The following TPO variants were observed in gnomAD, a reference collection of about 807,000 sequenced individuals.
The protein encoded by TPO is thyroid peroxidase.
In TPO, 78 loss-of-function variants were observed where a neutral mutation model predicts 96.9. The ratio of observed to expected loss-of-function variants is 0.81; its 90% CI spans 0.67 to 0.97. The LOEUF (loss-of-function observed/expected upper bound fraction) is 0.97, where lower values mean the gene tolerates loss of function less well. TPO is among the 50% of genes least tolerant of loss of function. TPO has a pLI of 0.00. For missense variants in TPO, 1,252 were observed against 1,274.8 expected (o/e 0.98, Z 0.27); for synonymous variants, 547 against 538.0 (o/e 1.02, Z -0.23).
At position 1,437,356 on chromosome 2, in the gene TPO, G is replaced by A. The variant is rs564862986; in HGVS notation, c.482+972G>A. ...GATGGCTGCAGGCTTGATGTTCACC[G>A]ATGCAGGCAGCAAAGGTGCTTAGCA... On this transcript the variant is annotated intron_variant, in intron 5 of 16. Coordinates refer to ENST00000329066, the MANE Select transcript of TPO (RefSeq NM_001206744.2). Among the ~76,000 whole-genome samples the A allele has an allele frequency of 2.0e-5, 3 of 152,282 alleles. No homozygotes were observed. In the South Asian group the frequency reaches 6.2e-4, roughly 32 times the overall value.
At chr2:1,531,412 C>T (rs1321974164) in intron 15 of TPO, among the ~76,000 whole-genome samples, 1 of 55,530 alleles carries the variant, frequency 1.8e-5, no homozygotes, top group African/African-American at 2.5e-4. Context: ...CTGTGTTCAA[C>T]CTCCCCAAAT....
intron 2 of TPO, among the ~76,000 whole-genome samples, chr2:1,422,205 G>A (rs1028778871): frequency 7.0e-6 from 1 of 143,100 alleles, no homozygotes; most frequent in Non-Finnish European, 1.5e-5. Context: ...GCAGGGCAGA[G>A]TGAGCAGGAA....
At chr2:1,418,144 G>A (rs1240081259) in intron 2 of TPO, among the ~76,000 whole-genome samples, 1 of 152,148 alleles carries the variant, frequency 6.6e-6, no homozygotes, top group Non-Finnish European at 1.5e-5. Context: ...AAAATTAGCT[G>A]GGCGTGGTGG....
chr2:1,399,551 C>G (rs551266886), intron 1 of TPO, among the ~76,000 whole-genome samples: 1 of 152,158 alleles, frequency 6.6e-6, no homozygotes, highest in Non-Finnish European at 1.5e-5. Context: ...GATTTAAAAC[C>G]GATGAGTTGT....
intron 5 of TPO, among the ~76,000 whole-genome samples, chr2:1,443,510 T>C (rs1426919004): frequency 6.6e-6 from 1 of 151,202 alleles, no homozygotes; most frequent in Non-Finnish European, 1.5e-5. Context: ...GGCCGGGGCC[T>C]TCTTGTTTGT....
At chr2:1,453,967 C>A in intron 6 of TPO, 144 bp downstream of exon 6, 2 of 1,331,326 alleles carry the variant, frequency 1.5e-6, no homozygotes, top group Non-Finnish European at 2.1e-6. Context: ...TTTGATGTAG[C>A]AATCACTGTT....
chr2:1,452,736 AAT>A (rs1281498675), intron 5 of TPO, among the ~76,000 whole-genome samples: 1 of 152,216 alleles, frequency 6.6e-6, no homozygotes, highest in Non-Finnish European at 1.5e-5. Context: ...TTCTAAACAA[AAT>A]ATTGGAAAAT....
At chr2:1,475,750 C>T (rs939353723) in intron 7 of TPO, among the ~76,000 whole-genome samples, 1 of 152,248 alleles carries the variant, frequency 6.6e-6, no homozygotes, top group Admixed American at 6.5e-5. Flanking sequence ...CCGCGCCCGG[C>T]CGGAAGCGCT....
intron 1 of TPO, among the ~76,000 whole-genome samples, chr2:1,397,855 G>C (rs1662106867): frequency 2.6e-5 from 4 of 152,122 alleles, no homozygotes; most frequent in Admixed American, 2.6e-4. Context: ...TCAGCCCCCA[G>C]CAGAGCATTT....
intron 15 of TPO, among the ~76,000 whole-genome samples, chr2:1,536,068 T>C (rs1248713763): frequency 5.5e-3 from 47 of 8,586 alleles, no homozygotes; most frequent in Admixed American, 8.5e-3. Flanking sequence ...TGTGCAACCT[T>C]CCCAAATCCC....
chr2:1,381,194 G>A (rs1245675810), intron 1 of TPO, among the ~76,000 whole-genome samples: 3 of 152,118 alleles, frequency 2.0e-5, no homozygotes, highest in Non-Finnish European at 2.9e-5. Flanking sequence ...CTTCTGCACA[G>A]CAAAAGAAAC....
chr2:1,526,530 G>A (rs1222191491), intron 15 of TPO, among the ~76,000 whole-genome samples: 3 of 126,466 alleles, frequency 2.4e-5, no homozygotes. Flanking sequence ...CCCAGTGTTC[G>A]CAACCTCCTC....
At chr2:1,538,608 G>A (rs1292696523) in intron 15 of TPO, among the ~76,000 whole-genome samples, 4 of 152,126 alleles carry the variant, frequency 2.6e-5, no homozygotes, top group Non-Finnish European at 5.9e-5. Context: ...CATAAAATGG[G>A]GAAAGTCTTT....
rs1366711249 is a variant in TPO, at chr2:1,529,661, A to G, written c.2619-10933A>G. On this transcript the variant is annotated intron_variant, in intron 15 of 16. Coordinates refer to ENST00000329066, the MANE Select transcript of TPO (RefSeq NM_001206744.2). ...ATCCCCGTACTGTGTGCAACCTCCT[A>G]TCACCCCCACTGTGTGCAACCTCCT... Among the ~76,000 whole-genome samples, 19 of 29,124 alleles carry G rather than the reference A, an allele frequency of 6.5e-4. 1 individual carries two copies. Among genetic ancestry groups the G allele is most frequent in the African/African-American group, 2.1e-3 (16 of 7,732 alleles). 19.1% of individuals were successfully genotyped at this position (29,124 alleles called of 152,430 possible).
Position 1,504,141 on chromosome 2 carries a change from G to C in TPO, c.2518+62G>C, listed in dbSNP as rs1471476599. On this transcript the variant is annotated intron_variant, in intron 14 of 16. Coordinates refer to ENST00000329066, the MANE Select transcript of TPO (RefSeq NM_001206744.2). ...GCGAGTTTTTGTAAAATGAAGAAAA[G>C]TGTGTTCAAGTTAGGCAACTGTCAA... 1.9e-6 allele frequency: 3 copies of C among 1,607,520 alleles called. No individual in the cohort carries two copies. In the African/African-American group the frequency reaches 4.0e-5, roughly 21 times the overall value.
chr2:1,529,765 C>T (rs1373746202), intron 15 of TPO, among the ~76,000 whole-genome samples: 9 of 103,568 alleles, frequency 8.7e-5, no homozygotes, highest in African/African-American at 2.8e-4. Flanking sequence ...CTGTGTGCAA[C>T]CTCCTCTAAT....
intron 1 of TPO, among the ~76,000 whole-genome samples, chr2:1,377,058 C>A (rs999994878): frequency 7.2e-5 from 11 of 152,252 alleles, no homozygotes; most frequent in African/African-American, 2.6e-4. Context: ...TGAATTTACA[C>A]CAGAGTCAGA....
At chr2:1,490,846 C>T (rs1168203579) in intron 10 of TPO, among the ~76,000 whole-genome samples, 5 of 152,166 alleles carry the variant, frequency 3.3e-5, no homozygotes, top group African/African-American at 1.2e-4. Flanking sequence ...TTGTACTTTA[C>T]GGGGAATATA....
In TPO at chr2:1,449,949, C is replaced by T. The variant is rs28909394; in HGVS notation, c.483-3745C>T. ...TCAATCAAGTAGCTCCAGCAGGAGACGGGAAAAATCACCGCTGAGTTTCCT... is the reference window on the plus strand; with the variant it reads ...TCAATCAAGTAGCTCCAGCAGGAGATGGGAAAAATCACCGCTGAGTTTCCT... On this transcript the variant is annotated intron_variant, in intron 5 of 16. Coordinates refer to ENST00000329066, the MANE Select transcript of TPO (RefSeq NM_001206744.2). Among the ~76,000 whole-genome samples the T allele has an allele frequency of 7.7e-3, 1,170 of 152,168 alleles. 11 individuals carry two copies. Among genetic ancestry groups the T allele is most frequent in the African/African-American group, 0.027 (1,110 of 41,506 alleles).
Sources: allele counts gnomAD v4.1 joint callset (sites outside exome capture counted in the v4.1 genomes callset), GRCh38; gene constraint gnomAD v4.1.1; transcripts MANE v1.5; gene names NCBI Gene and HGNC (gene_info 2026-07-23, HGNC 2026-07-21).